UHRF2: variants seen among roughly 807,000 people sequenced by gnomAD.
UHRF2 encodes E3 ubiquitin-protein ligase UHRF2.
In UHRF2, 23 loss-of-function variants were observed where a neutral mutation model predicts 96.8. The ratio of observed to expected loss-of-function variants is 0.24; its 90% CI spans 0.17 to 0.34. UHRF2 has a LOEUF of 0.34. Among genes scored for constraint, UHRF2 ranks in the 10% least tolerant of loss-of-function variants. The probability of loss-of-function intolerance (pLI) is 1.00; values close to 1 mark genes in which losing one functional copy is unlikely to be tolerated. For synonymous variants in UHRF2, 385 were observed against 332.6 expected (o/e 1.16, Z -1.72); for missense variants, 685 against 981.5 (o/e 0.70, Z 4.04).
At chr9:6,415,889 T>C (rs143388858) in intron 1 of UHRF2, among the ~76,000 whole-genome samples, 3 of 152,348 alleles carry the variant, frequency 2.0e-5, no homozygotes, top group Admixed American at 2.0e-4. Flanking sequence ...CTCTTACTAT[T>C]CAAAGTATGG....
intron 4 of UHRF2, among the ~76,000 whole-genome samples, chr9:6,472,641 C>A (rs559858463): frequency 6.6e-6 from 1 of 152,166 alleles, no homozygotes; most frequent in Non-Finnish European, 1.5e-5. Flanking sequence ...ACAGAACTAA[C>A]TGAACATAAA....
chr9:6,488,035 G>A (rs1203847340), intron 9 of UHRF2, among the ~76,000 whole-genome samples: 2 of 151,776 alleles, frequency 1.3e-5, no homozygotes, highest in African/African-American at 2.4e-5. Flanking sequence ...GAGCTCAGGA[G>A]TTCAAGACCA....
At chr9:6,440,104 C>T (rs1821078084) in intron 3 of UHRF2, among the ~76,000 whole-genome samples, 1 of 152,118 alleles carries the variant, frequency 6.6e-6, no homozygotes, top group African/African-American at 2.4e-5. Context: ...GGGCCCTAAA[C>T]ATCTAAATTC....
intron 3 of UHRF2, among the ~76,000 whole-genome samples, chr9:6,438,841 G>C (rs984190650): frequency 3.9e-5 from 6 of 152,130 alleles, no homozygotes; most frequent in Admixed American, 3.9e-4. Context: ...CTATTCTCTT[G>C]CATTTTCAAC....
At chr9:6,498,268 A>C in intron 12 of UHRF2, 110 bp downstream of exon 12, 1 of 1,201,600 alleles carries the variant, frequency 8.3e-7, no homozygotes. Context: ...GGTGGACTAT[A>C]AGGGGTGAGG....
chr9:6,491,270 G>C (rs1236004307), intron 9 of UHRF2, among the ~76,000 whole-genome samples: 3 of 152,184 alleles, frequency 2.0e-5, no homozygotes, highest in African/African-American at 7.2e-5. Context: ...TCTTTTCCTA[G>C]TTGTGTGATT....
Position 6,497,194 on chromosome 9 carries a change from T to C in UHRF2, c.1605-4T>C. 1 of 1,612,402 alleles carries C rather than the reference T, an allele frequency of 6.2e-7. No individual in the cohort carries two copies. The highest frequency in any genetic ancestry group is 8.5e-7 in the Non-Finnish European group (1 of 1,179,422). ...GGTATAAAGACTTCTTTGTTGTTTT[T>C]TAGGGCATTGGCCCTAAACTGTGAT... On this transcript the variant is annotated splice_polypyrimidine_tract_variant and splice_region_variant and intron_variant, in intron 10 of 15. Coordinates refer to ENST00000276893, the MANE Select transcript of UHRF2 (RefSeq NM_152896.3).
rs543507399 is a variant in UHRF2, at chr9:6,447,553, G to A, written c.645-13020G>A. ...ACCTGAGAGTAGATTAATACAGCTG[G>A]AGTGTAGAAAGCATATAGTGAGTAA... On this transcript the variant is annotated intron_variant, in intron 3 of 15. Coordinates refer to ENST00000276893, the MANE Select transcript of UHRF2 (RefSeq NM_152896.3). Among the ~76,000 whole-genome samples the A allele has an allele frequency of 1.1e-3, 169 of 152,298 alleles. 1 individual carries two copies. The highest frequency in any genetic ancestry group is 3.9e-3 in the African/African-American group (162 of 41,560).
Position 6,497,160 on chromosome 9 carries a change from A to G in UHRF2, c.1605-38A>G, listed in dbSNP as rs748818004. ...ATGACTCGATTGTGTACTTGAAGAA[A>G]AATTACATGGTATAAAGACTTCTTT... On this transcript the variant is annotated intron_variant, in intron 10 of 15. Coordinates refer to ENST00000276893, the MANE Select transcript of UHRF2 (RefSeq NM_152896.3). The G allele has an allele frequency of 2.5e-6, 4 of 1,591,616 alleles. No individual in the cohort carries two copies. The East Asian group carries it at 6.7e-5, about 27-fold the overall frequency.
intron 2 of UHRF2, among the ~76,000 whole-genome samples, chr9:6,424,248 TG>T (rs1820108364): frequency 6.6e-6 from 1 of 152,212 alleles, no homozygotes; most frequent in African/African-American, 2.4e-5. Context: ...AAGTTAACAT[TG>T]AGCTGCTGAT....
At chr9:6,459,163 C>G (rs968845988) in intron 3 of UHRF2, among the ~76,000 whole-genome samples, 1 of 152,024 alleles carries the variant, frequency 6.6e-6, no homozygotes, top group East Asian at 1.9e-4. Flanking sequence ...ACCTGTATAC[C>G]TAAGTAACAA....
intron 2 of UHRF2, among the ~76,000 whole-genome samples, chr9:6,423,433 A>G (rs1288564567): frequency 6.6e-6 from 1 of 152,126 alleles, no homozygotes; most frequent in Non-Finnish European, 1.5e-5. Flanking sequence ...TTATGGCTGT[A>G]TTTGCTGATT....
intron 8 of UHRF2, chr9:6,484,730 TA>T (rs1824159670): frequency 6.7e-6 from 1 of 149,924 alleles, no homozygotes; most frequent in Non-Finnish European, 1.5e-5. Context: ...TTTCTATTAA[TA>T]AATAATGTAT....
chr9:6,449,521 A>T (rs898681964), intron 3 of UHRF2: 1 of 152,212 alleles, frequency 6.6e-6, no homozygotes, highest in African/African-American at 2.4e-5. Context: ...AGAGTATCCA[A>T]CGGACAAAAT....
intron 3 of UHRF2, among the ~76,000 whole-genome samples, chr9:6,452,815 T>G (rs985892058): frequency 6.6e-6 from 1 of 152,054 alleles, no homozygotes; most frequent in Non-Finnish European, 1.5e-5. Flanking sequence ...CAGTTTGGGG[T>G]GTAGATGGTT....
Position 6,429,995 on chromosome 9 carries a change from G to A in UHRF2, c.385-3919G>A, listed in dbSNP as rs984695535. 2.0e-5 allele frequency among the ~76,000 whole-genome samples: 3 copies of A among 152,116 alleles called. No homozygotes were observed. In the East Asian group the frequency reaches 5.8e-4, roughly 29 times the overall value. On this transcript the variant is annotated intron_variant, in intron 2 of 15. Transcript: ENST00000276893. The stretch of plus-strand genomic sequence containing the variant: ...TTAAAAATATTAGATATTTGGACAG[G>A]GGAAACTTTTTGTCTAAATGTGGCT...
intron 14 of UHRF2, among the ~76,000 whole-genome samples, chr9:6,503,602 A>G (rs1292322860): frequency 6.6e-6 from 1 of 152,168 alleles, no homozygotes; most frequent in Non-Finnish European, 1.5e-5. Flanking sequence ...CTAGGAAAAT[A>G]AATGTTTTGT....
chr9:6,504,530 G>T (rs1353760738), intron 14 of UHRF2, 63 bp from the exon 15 acceptor site: 6 of 1,094,894 alleles, frequency 5.5e-6, no homozygotes, highest in Non-Finnish European at 8.1e-6. Flanking sequence ...CACAGTAGAT[G>T]AATTTTATTA....
intron 3 of UHRF2, among the ~76,000 whole-genome samples, chr9:6,437,820 G>T (rs1383425259): frequency 1.3e-5 from 2 of 152,016 alleles, no homozygotes; most frequent in African/African-American, 4.8e-5. Context: ...GTTTCACCAC[G>T]TTGGCCAAGG....
Sources: allele counts gnomAD v4.1 joint callset (sites outside exome capture counted in the v4.1 genomes callset), GRCh38; gene constraint gnomAD v4.1.1; transcripts MANE v1.5; gene names NCBI Gene and HGNC (gene_info 2026-07-23, HGNC 2026-07-21).